The following SIK3 variants were observed in gnomAD, a reference collection of about 807,000 sequenced individuals.
SIK3 encodes the protein serine/threonine-protein kinase SIK3.
In SIK3, 28 loss-of-function variants were observed where a neutral mutation model predicts 144.2. The ratio of observed to expected loss-of-function variants is 0.19; its 90% CI spans 0.14 to 0.27. The LOEUF (loss-of-function observed/expected upper bound fraction) is 0.27. SIK3 is among the 10% of genes least tolerant of loss of function. SIK3 has a pLI of 1.00. For missense variants in SIK3, 1,319 were observed against 1,776.0 expected (o/e 0.74, Z 4.62); for synonymous variants, 686 against 676.3 (o/e 1.01, Z -0.22).
intron 1 of SIK3, among the ~76,000 whole-genome samples, chr11:117,080,508 A>C (rs1195172641): frequency 6.6e-6 from 1 of 152,238 alleles, no homozygotes. Flanking sequence ...CACTAAATAA[A>C]ATTCTTTTAT....
At chr11:117,070,524 G>A (rs557771908) in intron 1 of SIK3, among the ~76,000 whole-genome samples, 24 of 151,088 alleles carry the variant, frequency 1.6e-4, no homozygotes, top group African/African-American at 5.6e-4. Context: ...TCGGCTCACT[G>A]CAACCTCCAT....
chr11:117,023,412 T>A (rs1461266332), intron 1 of SIK3, among the ~76,000 whole-genome samples: 2 of 132,484 alleles, frequency 1.5e-5, no homozygotes, highest in African/African-American at 6.5e-5. Flanking sequence ...ATACACCTGA[T>A]GATTTTTTTT....
chr11:116,965,044 G>C (rs1186183180), intron 1 of SIK3, among the ~76,000 whole-genome samples: 1 of 152,138 alleles, frequency 6.6e-6, no homozygotes, highest in Non-Finnish European at 1.5e-5. Flanking sequence ...AAAGTTTACT[G>C]AAAGTGGGAA....
chr11:117,062,324 T>C (rs775496135), intron 1 of SIK3, among the ~76,000 whole-genome samples: 3 of 152,208 alleles, frequency 2.0e-5, no homozygotes, highest in East Asian at 3.8e-4. Flanking sequence ...TTTGGAAATA[T>C]ATTCTCACGT....
At chr11:117,008,442 C>T (rs779768061) in intron 1 of SIK3, among the ~76,000 whole-genome samples, 1 of 150,746 alleles carries the variant, frequency 6.6e-6, no homozygotes, top group Non-Finnish European at 1.5e-5. Flanking sequence ...CTTGCAAACT[C>T]ACAAGTTTGT....
At chr11:116,984,098 C>G (rs1011392484) in intron 1 of SIK3, among the ~76,000 whole-genome samples, 1 of 147,882 alleles carries the variant, frequency 6.8e-6, no homozygotes, top group Non-Finnish European at 1.5e-5. Context: ...ATTCAAGGTT[C>G]AAAAGAAGCA....
intron 1 of SIK3, among the ~76,000 whole-genome samples, chr11:117,053,550 A>G (rs908150689): frequency 2.6e-5 from 4 of 152,190 alleles, no homozygotes; most frequent in African/African-American, 9.7e-5. Flanking sequence ...CAAAAAAGTT[A>G]AACAGTTTCA....
intron 4 of SIK3, among the ~76,000 whole-genome samples, chr11:116,907,463 AC>A (rs1345326527): frequency 6.6e-6 from 1 of 152,186 alleles, no homozygotes; most frequent in African/African-American, 2.4e-5. Flanking sequence ...CCTGGCCAAC[AC>A]GGCAAAACCC....
At chr11:117,037,766 G>C (rs994198230) in intron 1 of SIK3, among the ~76,000 whole-genome samples, 7 of 150,452 alleles carry the variant, frequency 4.7e-5, no homozygotes, top group Non-Finnish European at 1.0e-4. Flanking sequence ...CAGAAAAAAA[G>C]AGATGATAAT....
intron 6 of SIK3, among the ~76,000 whole-genome samples, chr11:116,877,693 C>T (rs1014988185): frequency 6.6e-6 from 1 of 152,114 alleles, no homozygotes; most frequent in Non-Finnish European, 1.5e-5. Context: ...TCTGGGAGCT[C>T]GTATTACAGA....
intron 1 of SIK3, among the ~76,000 whole-genome samples, chr11:117,096,100 G>A (rs991738865): frequency 3.3e-5 from 5 of 152,262 alleles, no homozygotes; most frequent in South Asian, 2.1e-4. Flanking sequence ...ATTAGAAAGC[G>A]GGCAGACCAG....
At chr11:116,910,985 T>C (rs553546997) in intron 4 of SIK3, among the ~76,000 whole-genome samples, 18 of 152,234 alleles carry the variant, frequency 1.2e-4, no homozygotes, top group Admixed American at 8.5e-4. Context: ...TAAAACAATA[T>C]GGTGCCTGGT....
intron 1 of SIK3, among the ~76,000 whole-genome samples, chr11:117,005,586 T>C (rs1337608570): frequency 1.3e-5 from 2 of 152,154 alleles, no homozygotes; most frequent in Non-Finnish European, 2.9e-5. Flanking sequence ...AATCCAGTCA[T>C]GTCATTTAAT....
At chr11:117,038,243 C>T (rs1358824534) in intron 1 of SIK3, among the ~76,000 whole-genome samples, 2 of 152,144 alleles carry the variant, frequency 1.3e-5, no homozygotes, top group Non-Finnish European at 2.9e-5. Flanking sequence ...CATCTGAACC[C>T]GCTCAACCAA....
intron 1 of SIK3, among the ~76,000 whole-genome samples, chr11:117,047,540 A>G (rs1214942946): frequency 6.6e-6 from 1 of 152,252 alleles, no homozygotes; most frequent in Non-Finnish European, 1.5e-5. Context: ...TTATTCTCTT[A>G]AAACAGTCCA....
chr11:117,042,402 T>C (rs1052616657), intron 1 of SIK3, among the ~76,000 whole-genome samples: 4 of 152,228 alleles, frequency 2.6e-5, no homozygotes, highest in Non-Finnish European at 5.9e-5. Context: ...GTTGTCTCGC[T>C]GCACATCTAC....
At chr11:116,987,196 G>A (rs762164423) in intron 1 of SIK3, among the ~76,000 whole-genome samples, 5 of 151,884 alleles carry the variant, frequency 3.3e-5, no homozygotes, top group Non-Finnish European at 7.4e-5. Context: ...ACCAACCTCT[G>A]CCCTAACTTC....
intron 2 of SIK3, among the ~76,000 whole-genome samples, chr11:116,955,586 C>T (rs1195462632): frequency 6.6e-6 from 1 of 152,236 alleles, no homozygotes; most frequent in African/African-American, 2.4e-5. Context: ...AAGTCAACCT[C>T]TTGAGAAAGG....
intron 6 of SIK3, among the ~76,000 whole-genome samples, chr11:116,889,772 C>G (rs981782340): frequency 6.6e-6 from 1 of 152,052 alleles, no homozygotes; most frequent in African/African-American, 2.4e-5. Flanking sequence ...TGGCGTGCGC[C>G]TGTAGACCAA....
Sources: gnomAD v4.1 joint callset for allele counts (sites outside exome capture counted in the v4.1 genomes callset) on GRCh38, gnomAD v4.1.1 for gene constraint, MANE v1.5 for transcripts, NCBI Gene and HGNC (gene_info 2026-07-23, HGNC 2026-07-21) for gene names.